The following EPHA6 variants were observed in gnomAD, a reference collection of about 807,000 sequenced individuals.
EPHA6 encodes the protein ephrin type-A receptor 6.
In EPHA6, 50 loss-of-function variants were observed where a neutral mutation model predicts 112.0. That is an observed-to-expected ratio of 0.45 (90% confidence interval 0.36 to 0.56). EPHA6 has a LOEUF of 0.56. Ranked by LOEUF, EPHA6 falls within the 20% of genes least tolerant of loss-of-function variation. The pLI, the probability that EPHA6 is intolerant of heterozygous loss-of-function variation, is 0.00. For synonymous variants in EPHA6, 529 were observed against 490.7 expected (o/e 1.08, Z -1.03); for missense variants, 1,280 against 1,417.4 (o/e 0.90, Z 1.56).
At chr3:97,016,220 A>G (rs1405243211) in intron 3 of EPHA6, among the ~76,000 whole-genome samples, 1 of 152,128 alleles carries the variant, frequency 6.6e-6, no homozygotes, top group Non-Finnish European at 1.5e-5. Context: ...GTTAAATTCC[A>G]CAAGTTTCTG....
intron 15 of EPHA6, among the ~76,000 whole-genome samples, chr3:97,722,376 C>G (rs561587609): frequency 6.6e-6 from 1 of 152,194 alleles, no homozygotes; most frequent in Non-Finnish European, 1.5e-5. Flanking sequence ...TAAAGATTAT[C>G]TAGGCCAATC....
At chr3:97,346,991 C>T (rs1426869964) in intron 5 of EPHA6, among the ~76,000 whole-genome samples, 4 of 151,964 alleles carry the variant, frequency 2.6e-5, no homozygotes, top group South Asian at 2.1e-4. Context: ...GTTGGGCTTA[C>T]GTGGAGCAAG....
intron 3 of EPHA6, among the ~76,000 whole-genome samples, chr3:96,992,193 A>G (rs993551238): frequency 6.6e-5 from 10 of 152,158 alleles, no homozygotes; most frequent in Admixed American, 6.6e-4. Context: ...CACAGGCAGG[A>G]TTATTGCCAA....
At chr3:97,439,530 G>T in intron 6 of EPHA6, 1 of 609,050 alleles carries the variant, frequency 1.6e-6, no homozygotes, top group Non-Finnish European at 2.1e-6. Context: ...TGCGAGAAAA[G>T]ACAACAACTC....
chr3:96,993,942 A>G (rs372209415), intron 3 of EPHA6, among the ~76,000 whole-genome samples: 2 of 152,158 alleles, frequency 1.3e-5, no homozygotes, highest in African/African-American at 4.8e-5. Flanking sequence ...ATCTAGTCAT[A>G]CTCCATATCT....
At chr3:96,951,280 G>A (rs1226032829) in intron 2 of EPHA6, among the ~76,000 whole-genome samples, 4 of 151,948 alleles carry the variant, frequency 2.6e-5, no homozygotes, top group Non-Finnish European at 4.4e-5. Flanking sequence ...TACCATATTA[G>A]TGACATAAAG....
chr3:96,947,596 C>A (rs1413314941), intron 2 of EPHA6, among the ~76,000 whole-genome samples: 3 of 152,138 alleles, frequency 2.0e-5, no homozygotes, highest in Non-Finnish European at 2.9e-5. Context: ...CATTCTTATA[C>A]ACCAACAAGA....
chr3:97,340,327 G>T (rs2083245401), intron 5 of EPHA6, among the ~76,000 whole-genome samples: 1 of 152,158 alleles, frequency 6.6e-6, no homozygotes, highest in African/African-American at 2.4e-5. Context: ...GATAAGAGCA[G>T]GTAGGAATCT....
intron 5 of EPHA6, among the ~76,000 whole-genome samples, chr3:97,268,459 T>G (rs1433566908): frequency 6.6e-6 from 1 of 152,170 alleles, no homozygotes; most frequent in Non-Finnish European, 1.5e-5. Flanking sequence ...TCTGAGAAAC[T>G]TTATCAGTAT....
At chr3:97,732,790 C>T (rs2035300133) in intron 15 of EPHA6, among the ~76,000 whole-genome samples, 1 of 152,012 alleles carries the variant, frequency 6.6e-6, no homozygotes, top group South Asian at 2.1e-4. Context: ...TGAAAGTACT[C>T]AAGAGCTCTC....
At chr3:97,024,780 A>G (rs1165913165) in intron 3 of EPHA6, among the ~76,000 whole-genome samples, 1 of 152,088 alleles carries the variant, frequency 6.6e-6, no homozygotes, top group African/African-American at 2.4e-5. Context: ...TACTTCCTGG[A>G]TATTTTTTCC....
chr3:97,244,391 C>G, intron 5 of EPHA6, 104 bp downstream of exon 5: 2 of 930,378 alleles, frequency 2.1e-6, no homozygotes, highest in South Asian at 3.0e-5. Flanking sequence ...CAGTCATATA[C>G]GTTATACACT....
intron 3 of EPHA6, among the ~76,000 whole-genome samples, chr3:97,159,852 GC>G (rs2076372523): frequency 6.6e-6 from 1 of 152,148 alleles, no homozygotes; most frequent in Non-Finnish European, 1.5e-5. Context: ...CAGAAGTATT[GC>G]ATGTAAGGAA....
In EPHA6 at chr3:96,818,292, A is replaced by G. The variant is rs187876824; in HGVS notation, c.385+3284A>G. Among the ~76,000 whole-genome samples, 1,092 of 152,062 alleles carry G rather than the reference A, an allele frequency of 7.2e-3. 15 individuals carry two copies. Among genetic ancestry groups the G allele is most frequent in the African/African-American group, 0.025 (1,019 of 41,526 alleles). On this transcript the variant is annotated intron_variant, in intron 1 of 17. Transcript: ENST00000389672. Reference sequence around the variant, plus strand: ...CAAAGATTATTCTGCAGCAAATACTACTTTATAGCCTAAATGAGTTGATGC... The same window carrying G: ...CAAAGATTATTCTGCAGCAAATACTGCTTTATAGCCTAAATGAGTTGATGC...
chr3:97,684,961 C>G (rs779013357), intron 14 of EPHA6, among the ~76,000 whole-genome samples: 1 of 152,086 alleles, frequency 6.6e-6, no homozygotes, highest in Non-Finnish European at 1.5e-5. Flanking sequence ...GGGTATTGCA[C>G]GAAACTAGGT....
chr3:97,049,274 T>C (rs1045636869), intron 3 of EPHA6, among the ~76,000 whole-genome samples: 1 of 152,186 alleles, frequency 6.6e-6, no homozygotes, highest in Non-Finnish European at 1.5e-5. Flanking sequence ...TGGCTACTGT[T>C]TTGAAAATAG....
chr3:97,213,150 C>A (rs1436793380), intron 3 of EPHA6, among the ~76,000 whole-genome samples: 5 of 152,154 alleles, frequency 3.3e-5, no homozygotes, highest in Non-Finnish European at 7.3e-5. Context: ...TCTCCATGTT[C>A]TCCGGGTAGT....
intron 7 of EPHA6, among the ~76,000 whole-genome samples, chr3:97,449,319 T>C (rs1415804358): frequency 6.6e-6 from 1 of 152,118 alleles, no homozygotes; most frequent in South Asian, 2.1e-4. Context: ...GCTTTACCAA[T>C]GAACTCTTTT....
intron 3 of EPHA6, among the ~76,000 whole-genome samples, chr3:96,988,462 G>C (rs2043099758): frequency 6.6e-6 from 1 of 152,060 alleles, no homozygotes; most frequent in Non-Finnish European, 1.5e-5. Context: ...TTTCCCTGGT[G>C]TTCACATTTT....
Sources: allele counts gnomAD v4.1 joint callset (sites outside exome capture counted in the v4.1 genomes callset), GRCh38; gene constraint gnomAD v4.1.1; transcripts MANE v1.5; gene names NCBI Gene and HGNC (gene_info 2026-07-23, HGNC 2026-07-21).